Variants in RBM12 observed in about 807,000 individuals in gnomAD.
The protein encoded by RBM12 is RNA binding motif protein 12.
Under a neutral mutation model 37.2 loss-of-function variants are expected in RBM12, and 24 were observed. The ratio of observed to expected loss-of-function variants is 0.65; its 90% CI spans 0.47 to 0.91. The LOEUF (loss-of-function observed/expected upper bound fraction) is 0.91. Ranked by LOEUF, RBM12 falls within the 40% of genes least tolerant of loss-of-function variation. RBM12 has a pLI of 0.00. For synonymous variants in RBM12, 420 were observed against 425.2 expected, an observed-to-expected ratio of 0.99 and a Z score of 0.15; for missense variants, 1,061 against 1,183.2, an observed-to-expected ratio of 0.90 and a Z score of 1.52.
intron 2 of RBM12, among the ~76,000 whole-genome samples, chr20:35,657,602 G>A (rs2033974368): frequency 6.6e-6 from 1 of 152,074 alleles, no homozygotes; most frequent in Admixed American, 6.6e-5. Context: ...TTAAGAGCAG[G>A]GATTTACTGA....
intron 1 of RBM12, among the ~76,000 whole-genome samples, chr20:35,659,418 C>T (rs894224893): frequency 5.9e-5 from 9 of 152,188 alleles, no homozygotes; most frequent in East Asian, 1.9e-4. Context: ...GGCACAAGTT[C>T]GCACAATAAC....
chr20:35,655,000 G>A lies in RBM12; in HGVS notation c.323C>T (p.Pro108Leu). The A allele has an allele frequency of 6.2e-7, 1 of 1,614,164 alleles. No individual in the cohort carries two copies. The highest frequency in any genetic ancestry group is 8.5e-7 in the Non-Finnish European group (1 of 1,180,020). The change falls in exon 3 of 3, where the codon CCA becomes CTA. Residue 108 changes from proline to leucine, a missense_variant. By Grantham distance (98) the Pro-to-Leu change is moderately conservative (BLOSUM62 -3). Around this residue, in one of 3 missense-constraint regions of RBM12, gnomAD observed 540 missense variants for 632.7 expected, o/e 0.85. Transcript: ENST00000374114. ...PPANASRSGP[P>L]PSSGMSSRVN... ...CCTGCTACTCATTCCTGAGCTAGGT[G>A]GTGGTCCTGATCTACTGGCATTTGC...
At chr20:35,656,143 G>A (rs1601483479) in intron 2 of RBM12, among the ~76,000 whole-genome samples, 2 of 152,186 alleles carry the variant, frequency 1.3e-5, no homozygotes, top group East Asian at 3.9e-4. Flanking sequence ...TTAAAACTCA[G>A]GTCCAATGAC....
chr20:35,661,714 G>A (rs190041093), intron 1 of RBM12, among the ~76,000 whole-genome samples: 33 of 152,200 alleles, frequency 2.2e-4, no homozygotes, highest in Admixed American at 2.0e-3. Context: ...TAATCACTTG[G>A]AATTTCAGAA....
Position 35,650,752 on chromosome 20 carries a change from CAAATG to C in RBM12, c.*1767_*1771del, listed in dbSNP as rs2033448857. The C allele has an allele frequency of 6.6e-6, 1 of 152,568 alleles. No individual in the cohort carries two copies. The highest frequency in any genetic ancestry group is 1.5e-5 in the Non-Finnish European group (1 of 68,014). 9.5% of individuals were successfully genotyped at this position (152,568 alleles called of 1,614,324 possible). A position where few individuals can be genotyped will look rare whatever the true frequency, so the allele number is the denominator to read the frequency against. On this transcript the variant is annotated 3_prime_UTR_variant, in exon 3 of 3. Transcript: ENST00000374114. ...GATAAAAAGCCTTTTCAAATCTTATCAAATGAAACTGTTGCCACTCTTAAATTACA... is the reference window on the plus strand; with the variant it reads ...GATAAAAAGCCTTTTCAAATCTTATCAAACTGTTGCCACTCTTAAATTACA...
chr20:35,653,637 C>A lies in RBM12; in HGVS notation c.1686G>T (p.Gln562His), dbSNP rs539871048. The change falls in exon 3 of 3, where the codon CAG (glutamine) becomes CAT (histidine). Residue 562 changes from glutamine to histidine, a missense_variant. By Grantham distance (24) the Gln-to-His change is conservative. Coordinates refer to ENST00000374114, the MANE Select transcript of RBM12 (RefSeq NM_006047.6). ...PFSITKMDVL[Q>H]FLEGIPVDEN... ...CATCCACTGGGATTCCTTCTAGGAA[C>A]TGAAGAACATCCATCTTTGTAATGC... is the stretch of plus-strand genomic sequence containing the variant. The A allele has an allele frequency of 1.7e-5, 27 of 1,614,036 alleles. No homozygotes were observed. Among genetic ancestry groups the A allele is most frequent in the Non-Finnish European group, 2.3e-5 (27 of 1,180,058 alleles).
rs2033421823 is a variant in RBM12, at chr20:35,650,453, A to C, written c.*2071T>G. The C allele has an allele frequency of 6.6e-6, 1 of 152,650 alleles. No individual in the cohort carries two copies. Among genetic ancestry groups the C allele is most frequent in the Non-Finnish European group, 1.5e-5 (1 of 68,026 alleles). 9.5% of individuals were successfully genotyped at this position (152,650 alleles called of 1,614,324 possible). A position where few individuals can be genotyped will look rare whatever the true frequency, so the allele number is the denominator to read the frequency against. The stretch of plus-strand genomic sequence containing the variant: ...AATGAAAATAGCTTTCCAATGGAGA[A>C]AATATCTGTGGCTGAAATACAACTC... On this transcript the variant is annotated 3_prime_UTR_variant, in exon 3 of 3. Coordinates refer to ENST00000374114, the MANE Select transcript of RBM12 (RefSeq NM_006047.6).
In RBM12 at chr20:35,650,664, T is replaced by G. The variant is rs1034127654; in HGVS notation, c.*1860A>C. ...AAAGACCCACAACATAGTCACCTCT[T>G]GAGTCTAAACAATCCTTCTCTTAAA... On this transcript the variant is annotated 3_prime_UTR_variant, in exon 3 of 3. Transcript: ENST00000374114. 6.6e-6 allele frequency: 1 copy of G among 152,636 alleles called. No homozygotes were observed. The highest frequency in any genetic ancestry group is 2.4e-5 in the African/African-American group (1 of 41,470). The allele number at this position is 152,636 out of a possible 1,614,324, so 9.5% of individuals were successfully genotyped here. A position where few individuals can be genotyped will look rare whatever the true frequency, so the allele number is the denominator to read the frequency against.
chr20:35,653,757 C>G lies in RBM12; in HGVS notation c.1566G>C (p.Gln522His). ...EKIDMIRKRLQNFSYDQREMI... is the reference protein window; with the variant it reads ...EKIDMIRKRLHNFSYDQREMI... ...TTTCCCTCTGGTCATAGCTGAAGTT[C>G]TGCAGTCTTTTTCGAATCATATCTA... Residue 522 changes from glutamine (Q) to histidine (H), a missense_variant, in exon 3 of 3, where the codon CAG becomes CAC. Gln to His is a conservative substitution (Grantham distance 24). Around this residue, in one of 3 missense-constraint regions of RBM12, gnomAD observed 517 missense variants for 534.0 expected, o/e 0.97. Transcript: ENST00000374114. 6.2e-7 allele frequency: 1 copy of G among 1,614,142 alleles called. No homozygotes were observed. The highest frequency in any genetic ancestry group is 8.5e-7 in the Non-Finnish European group (1 of 1,180,046).
intron 2 of RBM12, among the ~76,000 whole-genome samples, chr20:35,656,069 A>C (rs1245171526): frequency 6.6e-6 from 1 of 152,244 alleles, no homozygotes; most frequent in Non-Finnish European, 1.5e-5. Context: ...AATCTGAGTT[A>C]CCTTGATTCA....
intron 2 of RBM12, among the ~76,000 whole-genome samples, chr20:35,657,085 A>C (rs79945390): frequency 0.022 from 3,352 of 152,330 alleles, 124 homozygotes; most frequent in African/African-American, 0.077. Flanking sequence ...CACATACACA[A>C]AAATAAAAAG....
chr20:35,662,727 C>A (rs1229162623), intron 1 of RBM12, among the ~76,000 whole-genome samples: 1 of 152,144 alleles, frequency 6.6e-6, no homozygotes, highest in African/African-American at 2.4e-5. Context: ...AACACACTGG[C>A]CCACAACATC....
chr20:35,663,928 C>T (rs957122937), intron 1 of RBM12, among the ~76,000 whole-genome samples: 1 of 152,248 alleles, frequency 6.6e-6, no homozygotes, highest in Non-Finnish European at 1.5e-5. Flanking sequence ...CCGCAGCCCA[C>T]TGGATCTCGT....
In RBM12 at chr20:35,654,726, C is replaced by G; in HGVS notation, c.597G>C (p.Leu199=). The G allele has an allele frequency of 3.7e-6, 6 of 1,613,678 alleles. No homozygotes were observed. The highest frequency in any genetic ancestry group is 5.1e-6 in the Non-Finnish European group (6 of 1,179,658). The change falls in exon 3 of 3, where the codon CTG becomes CTC. Residue 199 remains leucine, a synonymous_variant. Transcript: ENST00000374114. Reference sequence around the variant, plus strand: ...TTGGGGGAATGGATGGCATTGGTGGCAGAGATGGCATCGCTGGAATTGGAG... The same window carrying G: ...TTGGGGGAATGGATGGCATTGGTGGGAGAGATGGCATCGCTGGAATTGGAG... ...PIPPIPAMPS[L]PPMPSIPPIP...
chr20:35,653,376 A>G lies in RBM12; in HGVS notation c.1947T>C (p.Val649=). 1.2e-6 allele frequency: 2 copies of G among 1,614,104 alleles called. No individual in the cohort carries two copies. Among genetic ancestry groups the G allele is most frequent in the African/African-American group, 1.3e-5 (1 of 75,060 alleles). ...LKMPVPGNPA[V]PGMPNAGLPG... Reference sequence around the variant, plus strand: ...GCAGTCCCGCATTGGGCATTCCTGGAACTGCAGGATTACCTGGCACAGGCA... The same window carrying G: ...GCAGTCCCGCATTGGGCATTCCTGGGACTGCAGGATTACCTGGCACAGGCA... Residue 649 remains valine, a synonymous_variant, in exon 3 of 3, where the codon GTT becomes GTC. Transcript: ENST00000374114.
In RBM12 at chr20:35,649,238, T is replaced by C. The variant is rs2033332918; in HGVS notation, c.*3286A>G. On this transcript the variant is annotated 3_prime_UTR_variant, in exon 3 of 3. Transcript: ENST00000374114. Reference sequence around the variant, plus strand: ...ACTAGCAGCAATTTTACATTTTCTTTACTCATTTCCCGAGTGTTCTTAAAA... The same window carrying C: ...ACTAGCAGCAATTTTACATTTTCTTCACTCATTTCCCGAGTGTTCTTAAAA... The C allele has an allele frequency of 6.6e-6, 1 of 152,242 alleles. No individual in the cohort carries two copies. Among genetic ancestry groups the C allele is most frequent in the East Asian group, 1.9e-4 (1 of 5,206 alleles). The allele number at this position is 152,242 out of a possible 1,614,324, so 9.4% of individuals were successfully genotyped here.
chr20:35,653,768 T>C lies in RBM12; in HGVS notation c.1555A>G (p.Lys519Glu). Residue 519 changes from lysine to glutamate, a missense_variant, in exon 3 of 3, where the codon AAA (lysine) becomes GAA (glutamate). By Grantham distance (56) the Lys-to-Glu change is moderately conservative. Around this residue, in one of 3 missense-constraint regions of RBM12, gnomAD observed 517 missense variants for 534.0 expected, o/e 0.97. Coordinates refer to ENST00000374114, the MANE Select transcript of RBM12 (RefSeq NM_006047.6). ...TCATAGCTGAAGTTCTGCAGTCTTT[T>C]TCGAATCATATCTATCTTTTCTAGC... ...GMLEKIDMIR[K>E]RLQNFSYDQR... 2 of 1,614,124 alleles carry C rather than the reference T, an allele frequency of 1.2e-6. No individual in the cohort carries two copies. The highest frequency in any genetic ancestry group is 1.7e-6 in the Non-Finnish European group (2 of 1,180,032).
chr20:35,659,528 A>T (rs927658097), intron 1 of RBM12, among the ~76,000 whole-genome samples: 1 of 152,260 alleles, frequency 6.6e-6, no homozygotes, highest in Non-Finnish European at 1.5e-5. Context: ...AGCATCCAAC[A>T]TCACAAAACA....
At chr20:35,664,093 T>A (rs2034396932) in intron 1 of RBM12, among the ~76,000 whole-genome samples, 2 of 151,944 alleles carry the variant, frequency 1.3e-5, no homozygotes, top group African/African-American at 4.8e-5. Context: ...CCTCCTAGCT[T>A]CAGACGCCGG....
Sources: gnomAD v4.1 joint callset for allele counts (sites outside exome capture counted in the v4.1 genomes callset) on GRCh38, gnomAD v4.1.1 for gene constraint, gnomAD v4.1.1 regional missense constraint, MANE v1.5 for transcripts, NCBI Gene and HGNC (gene_info 2026-07-23, HGNC 2026-07-21) for gene names.